ABCC1: variants seen among roughly 807,000 people sequenced by gnomAD.
ABCC1 encodes the protein multidrug resistance-associated protein 1.
Under a neutral mutation model 172.9 loss-of-function variants are expected in ABCC1, and 83 were observed. That is an observed-to-expected ratio of 0.48 (90% confidence interval 0.40 to 0.58). ABCC1 has a LOEUF of 0.58. ABCC1 is among the 20% of genes least tolerant of loss of function. The probability of loss-of-function intolerance (pLI) is 0.00; values close to 1 mark genes in which losing one functional copy is unlikely to be tolerated. For missense variants in ABCC1, 1,817 were observed against 2,002.7 expected, an observed-to-expected ratio of 0.91 and a Z score of 1.77; for synonymous variants, 937 against 825.2, an observed-to-expected ratio of 1.14 and a Z score of -2.32.
At chr16:15,955,031 C>G (rs962239002) in intron 1 of ABCC1, among the ~76,000 whole-genome samples, 6 of 152,116 alleles carry the variant, frequency 3.9e-5, no homozygotes, top group Admixed American at 3.3e-4. Context: ...CACTCTGGCT[C>G]GAGTCATCGT....
chr16:16,006,936 G>A (rs1177420162), intron 1 of ABCC1, among the ~76,000 whole-genome samples: 4 of 151,210 alleles, frequency 2.6e-5, no homozygotes, highest in Non-Finnish European at 4.4e-5. Flanking sequence ...GGTGGTGATG[G>A]TGTTGGCAGT....
At chr16:16,115,763 G>C (rs1211170198) in intron 23 of ABCC1, among the ~76,000 whole-genome samples, 2 of 152,074 alleles carry the variant, frequency 1.3e-5, no homozygotes, top group Admixed American at 6.6e-5. Flanking sequence ...CTTTTTCTCT[G>C]TCATAATAGA....
intron 26 of ABCC1, among the ~76,000 whole-genome samples, chr16:16,126,112 C>G (rs1021227298): frequency 6.6e-6 from 1 of 152,178 alleles, no homozygotes; most frequent in Non-Finnish European, 1.5e-5. Context: ...CGGCTTTACC[C>G]AAGATCTGGG....
At chr16:16,091,876 C>T (rs112456985) in intron 19 of ABCC1, among the ~76,000 whole-genome samples, 32 of 152,266 alleles carry the variant, frequency 2.1e-4, no homozygotes, top group African/African-American at 7.7e-4. Context: ...TCATCCTTTG[C>T]CTGGGGTGGG....
chr16:16,063,194 C>T (rs906712556), intron 12 of ABCC1, among the ~76,000 whole-genome samples: 3 of 152,218 alleles, frequency 2.0e-5, no homozygotes, highest in African/African-American at 7.2e-5. Context: ...GCAACCTCCA[C>T]CTCCCAGGTT....
chr16:15,959,029 A>G lies in ABCC1; in HGVS notation c.48+9230A>G, dbSNP rs559058761. 4.6e-5 allele frequency among the ~76,000 whole-genome samples: 7 copies of G among 152,306 alleles called. No homozygotes were observed. The East Asian group carries it at 1.2e-3, about 25-fold the overall frequency. ...TGTTCCCTGGGGTGTGAAATCACACAGCCACTGGTGTGGAGGAATATGGGG... is the reference window on the plus strand; with the variant it reads ...TGTTCCCTGGGGTGTGAAATCACACGGCCACTGGTGTGGAGGAATATGGGG... On this transcript the variant is annotated intron_variant, in intron 1 of 30. Transcript: ENST00000399410.
intron 14 of ABCC1, among the ~76,000 whole-genome samples, chr16:16,072,497 T>TTC (rs1280189922): frequency 1.0e-4 from 15 of 150,536 alleles, no homozygotes; most frequent in South Asian, 4.3e-4. Flanking sequence ...TTTTTTTTTT[T>TTC]CAATATTAAA....
intron 14 of ABCC1, among the ~76,000 whole-genome samples, chr16:16,074,206 T>C (rs1423271559): frequency 6.6e-6 from 1 of 152,160 alleles, no homozygotes; most frequent in East Asian, 1.9e-4. Flanking sequence ...GATACAGTAG[T>C]ATCCATCCCA....
chr16:16,077,368 C>G (rs1219782933), intron 15 of ABCC1, among the ~76,000 whole-genome samples: 2 of 152,198 alleles, frequency 1.3e-5, no homozygotes, highest in Non-Finnish European at 2.9e-5. Context: ...TTAAATCCTG[C>G]CTGCTTCAAT....
At chr16:16,078,763 G>A (rs1354592228) in intron 15 of ABCC1, among the ~76,000 whole-genome samples, 3 of 152,154 alleles carry the variant, frequency 2.0e-5, no homozygotes, top group Non-Finnish European at 2.9e-5. Flanking sequence ...TGTAACCTCC[G>A]CCTCTTGGGT....
rs567911210 is a variant in ABCC1, at chr16:16,136,770, T to G, written c.4292+126T>G. 5 of 1,139,922 alleles carry G rather than the reference T, an allele frequency of 4.4e-6. No homozygotes were observed. The African/African-American group carries it at 7.8e-5, about 18-fold the overall frequency. 70.6% of individuals were successfully genotyped at this position (1,139,922 alleles called of 1,614,324 possible). A position where few individuals can be genotyped will look rare whatever the true frequency, so the allele number is the denominator to read the frequency against. On this transcript the variant is annotated intron_variant, in intron 29 of 30. Coordinates refer to ENST00000399410, the MANE Select transcript of ABCC1 (RefSeq NM_004996.4). ...GAGTCCCAGATGACCATTTGTCCCTTCACCTCTTGGAGCCTCAGTTTCTGT... is the reference window on the plus strand; with the variant it reads ...GAGTCCCAGATGACCATTTGTCCCTGCACCTCTTGGAGCCTCAGTTTCTGT...
chr16:15,984,804 T>A (rs1338254739), intron 1 of ABCC1, among the ~76,000 whole-genome samples: 2 of 152,154 alleles, frequency 1.3e-5, no homozygotes, highest in Non-Finnish European at 2.9e-5. Context: ...ATATATTTTT[T>A]AAAAATTGAG....
chr16:16,108,987 G>A (rs569451208), intron 21 of ABCC1, among the ~76,000 whole-genome samples: 1 of 152,014 alleles, frequency 6.6e-6, no homozygotes, highest in Non-Finnish European at 1.5e-5. Context: ...GGGACAGCAG[G>A]CAACTTGGCC....
intron 21 of ABCC1, among the ~76,000 whole-genome samples, chr16:16,107,526 G>A (rs1011021339): frequency 1.3e-5 from 2 of 152,140 alleles, no homozygotes; most frequent in African/African-American, 4.8e-5. Context: ...CTGACCTCAG[G>A]TGATCCACCC....
At chr16:16,004,426 A>C (rs2047442333) in intron 1 of ABCC1, among the ~76,000 whole-genome samples, 2 of 152,176 alleles carry the variant, frequency 1.3e-5, no homozygotes, top group South Asian at 4.1e-4. Context: ...AATGACCACC[A>C]ACAGTTTAAT....
Position 16,102,642 on chromosome 16 carries a change from G to T in ABCC1, c.2660G>T (p.Ser887Ile). 1.9e-6 allele frequency: 3 copies of T among 1,584,936 alleles called. 1 individual carries two copies. In the South Asian group the frequency reaches 3.5e-5, roughly 18 times the overall value. Residue 887 changes from serine (S) to isoleucine (I), a missense_variant, in exon 20 of 31, where the codon AGC becomes ATC. By Grantham distance (142) the Ser-to-Ile change is moderately radical. Coordinates refer to ENST00000399410, the MANE Select transcript of ABCC1 (RefSeq NM_004996.4). ...CTTCTGCCAGGGGTCACGGGCGTCA[G>T]CGGTCCAGGGAAGGAAGCAAAGCAA... ...DAEENGVTGV[S>I]GPGKEAKQME...
intron 1 of ABCC1, among the ~76,000 whole-genome samples, chr16:15,996,263 G>C: frequency 6.6e-6 from 1 of 152,188 alleles, no homozygotes; most frequent in East Asian, 1.9e-4. Context: ...GATTACAGGC[G>C]TGAACCCCTC....
chr16:16,028,529 T>C (rs1400138698), intron 5 of ABCC1, among the ~76,000 whole-genome samples: 1 of 151,994 alleles, frequency 6.6e-6, no homozygotes, highest in Non-Finnish European at 1.5e-5. Flanking sequence ...GCAGGTGAAA[T>C]GGATTTGCAA....
intron 1 of ABCC1, among the ~76,000 whole-genome samples, chr16:15,994,311 G>A (rs1489150291): frequency 1.3e-5 from 2 of 152,142 alleles, no homozygotes; most frequent in East Asian, 3.8e-4. Context: ...CAGACTCTCA[G>A]TGGGTTCAAA....
Sources: allele counts gnomAD v4.1 joint callset (sites outside exome capture counted in the v4.1 genomes callset), GRCh38; gene constraint gnomAD v4.1.1; transcripts MANE v1.5; gene names NCBI Gene and HGNC (gene_info 2026-07-23, HGNC 2026-07-21).